WDR72: variants seen among roughly 807,000 people sequenced by gnomAD.
WDR72 encodes WD repeat-containing protein 72.
A neutral mutation model predicts 124.2 loss-of-function variants in WDR72; 120 were observed. The observed-to-expected ratio is 0.97, with a 90% CI of 0.83 to 1.12. WDR72 has a LOEUF of 1.12. Ranked by LOEUF, WDR72 falls within the 50% of genes most tolerant of loss-of-function variation. The pLI is 0.00. For synonymous variants in WDR72, 452 were observed against 441.7 expected (o/e 1.02, Z -0.29); for missense variants, 1,387 against 1,278.8 (o/e 1.08, Z -1.29).
intron 18 of WDR72, 134 bp downstream of exon 18, chr15:53,596,945 G>T: frequency 1.2e-6 from 1 of 850,638 alleles, no homozygotes; most frequent in Non-Finnish European, 1.9e-6. Context: ...CATAAGTCAA[G>T]GAGACTAGTG....
chr15:53,612,295 G>C (rs2013574544), intron 16 of WDR72, among the ~76,000 whole-genome samples: 1 of 152,080 alleles, frequency 6.6e-6, no homozygotes, highest in African/African-American at 2.4e-5. Flanking sequence ...AACTTCTATG[G>C]AGCTTACAAC....
intron 18 of WDR72, among the ~76,000 whole-genome samples, chr15:53,547,495 G>A (rs1429065495): frequency 6.6e-6 from 1 of 152,110 alleles, no homozygotes; most frequent in African/African-American, 2.4e-5. Context: ...AGAGCATGTG[G>A]GAGGTGCTGG....
chr15:53,651,074 T>C (rs868644689), intron 14 of WDR72, among the ~76,000 whole-genome samples: 8 of 152,106 alleles, frequency 5.3e-5, no homozygotes, highest in African/African-American at 9.7e-5. Context: ...CTTTTCAATA[T>C]TGACTCTTAA....
At chr15:53,648,055 A>C (rs533360236) in intron 14 of WDR72, among the ~76,000 whole-genome samples, 1 of 151,954 alleles carries the variant, frequency 6.6e-6, no homozygotes, top group African/African-American at 2.4e-5. Flanking sequence ...ATTCCCCCTA[A>C]CTTCCCCACC....
chr15:53,676,889 A>T (rs1567020601), intron 13 of WDR72, among the ~76,000 whole-genome samples: 1 of 151,018 alleles, frequency 6.6e-6, no homozygotes, highest in Non-Finnish European at 1.5e-5. Context: ...CAAATATTTT[A>T]GTCATTCTTT....
intron 16 of WDR72, among the ~76,000 whole-genome samples, chr15:53,610,762 C>T (rs1393421648): frequency 1.3e-5 from 2 of 152,020 alleles, no homozygotes; most frequent in African/African-American, 4.8e-5. Flanking sequence ...CTATATAAAA[C>T]ATGGAAGTAT....
chr15:53,546,907 T>G (rs576868107), intron 18 of WDR72, among the ~76,000 whole-genome samples: 2 of 152,138 alleles, frequency 1.3e-5, no homozygotes, highest in Non-Finnish European at 2.9e-5. Context: ...AACAAGTAAT[T>G]CTCTGGAAAA....
intron 18 of WDR72, among the ~76,000 whole-genome samples, chr15:53,538,620 C>A (rs892398534): frequency 6.6e-6 from 1 of 152,002 alleles, no homozygotes; most frequent in East Asian, 1.9e-4. Context: ...TTGGGTGATG[C>A]GGAATGCATT....
chr15:53,674,691 A>C (rs543829559), intron 13 of WDR72, among the ~76,000 whole-genome samples: 2 of 152,344 alleles, frequency 1.3e-5, no homozygotes, highest in South Asian at 4.1e-4. Flanking sequence ...ATTTTGTACT[A>C]TATAGAGGCC....
chr15:53,535,868 G>T (rs1195532585), intron 18 of WDR72, among the ~76,000 whole-genome samples: 1 of 152,094 alleles, frequency 6.6e-6, no homozygotes, highest in East Asian at 1.9e-4. Context: ...CCATGGAAGT[G>T]GCTCAAGGCT....
chr15:53,736,329 C>G (rs1253364974), intron 1 of WDR72, among the ~76,000 whole-genome samples: 1 of 151,900 alleles, frequency 6.6e-6, no homozygotes, highest in Non-Finnish European at 1.5e-5. Context: ...GTGAGGTGTC[C>G]AAATGTGGGG....
chr15:53,605,767 G>A (rs1300216419), intron 17 of WDR72, among the ~76,000 whole-genome samples: 9 of 151,994 alleles, frequency 5.9e-5, no homozygotes, highest in South Asian at 2.1e-4. Context: ...AGGCAGAAGC[G>A]TCGCTTGAAC....
In WDR72 at chr15:53,733,145, C is replaced by T. The variant is rs961926215; in HGVS notation, c.5G>A (p.Arg2Lys). ...GAGTGCCACTGCCTGCAGGGAAGTCCTCATTTTGGGCGAATCCTGACATAC... is the reference window on the plus strand; with the variant it reads ...GAGTGCCACTGCCTGCAGGGAAGTCTTCATTTTGGGCGAATCCTGACATAC... M[R>K]TSLQAVALWG... Residue 2 changes from arginine to lysine, a missense_variant, in exon 2 of 20, where the codon AGG becomes AAG. Transcript: ENST00000360509. The T allele has an allele frequency of 1.9e-6, 3 of 1,613,748 alleles. No homozygotes were observed. The highest frequency in any genetic ancestry group is 2.7e-5 in the African/African-American group (2 of 74,858).
intron 14 of WDR72, among the ~76,000 whole-genome samples, chr15:53,634,888 A>AGGT (rs1432609324): frequency 9.2e-5 from 14 of 152,172 alleles, no homozygotes; most frequent in Non-Finnish European, 2.1e-4. Context: ...CAGGCAGCAA[A>AGGT]GGTAGTAGTG....
intron 14 of WDR72, among the ~76,000 whole-genome samples, chr15:53,649,253 G>A (rs535207978): frequency 9.2e-5 from 14 of 152,176 alleles, no homozygotes; most frequent in African/African-American, 3.1e-4. Context: ...CATTACCAAC[G>A]CAGAGTTGAG....
At chr15:53,554,444 T>C (rs1367162565) in intron 18 of WDR72, among the ~76,000 whole-genome samples, 1 of 152,156 alleles carries the variant, frequency 6.6e-6, no homozygotes, top group Non-Finnish European at 1.5e-5. Flanking sequence ...GCTGGTTCAG[T>C]TGGTTTCAAG....
chr15:53,754,496 A>C (rs1411783053), intron 1 of WDR72, among the ~76,000 whole-genome samples: 2 of 152,048 alleles, frequency 1.3e-5, no homozygotes, highest in East Asian at 3.9e-4. Flanking sequence ...GGCAAAGGGG[A>C]TCCCTCTTCT....
At chr15:53,549,596 T>G (rs947873093) in intron 18 of WDR72, among the ~76,000 whole-genome samples, 2 of 152,048 alleles carry the variant, frequency 1.3e-5, no homozygotes, top group African/African-American at 4.8e-5. Flanking sequence ...ACAAGCTGAT[T>G]TTAGGATTTT....
intron 14 of WDR72, among the ~76,000 whole-genome samples, chr15:53,638,257 C>T (rs2014699542): frequency 6.6e-6 from 1 of 152,146 alleles, no homozygotes. Context: ...AAATGTTCAA[C>T]ACCACAATGG....
Sources: gnomAD v4.1 joint callset for allele counts (sites outside exome capture counted in the v4.1 genomes callset) on GRCh38, gnomAD v4.1.1 for gene constraint, MANE v1.5 for transcripts, NCBI Gene and HGNC (gene_info 2026-07-23, HGNC 2026-07-21) for gene names.